Variants in FEZF1 observed in about 807,000 individuals in gnomAD.
FEZF1 encodes FEZ family zinc finger 1.
FEZF1 carries 8 observed loss-of-function variants against 32.4 expected under a neutral mutation model. The observed-to-expected ratio is 0.25, with a 90% CI of 0.15 to 0.45. The LOEUF (loss-of-function observed/expected upper bound fraction) is 0.45, where lower values mean the gene tolerates loss of function less well. Among genes scored for constraint, FEZF1 ranks in the 20% least tolerant of loss-of-function variants. The probability of loss-of-function intolerance (pLI) is 1.00; values close to 1 mark genes in which losing one functional copy is unlikely to be tolerated. For synonymous variants in FEZF1, 259 were observed against 265.2 expected (o/e 0.98, Z 0.23); for missense variants, 546 against 622.3 (o/e 0.88, Z 1.31).
In FEZF1 at chr7:122,304,516, G is replaced by C; in HGVS notation, c.-79C>G. 3 of 1,268,152 alleles carry C rather than the reference G, an allele frequency of 2.4e-6. No homozygotes were observed. Among genetic ancestry groups the C allele is most frequent in the Non-Finnish European group, 3.2e-6 (3 of 933,420 alleles). The allele number at this position is 1,268,152 out of a possible 1,614,324, so 78.6% of individuals were successfully genotyped here. A position where few individuals can be genotyped will look rare whatever the true frequency, so the allele number is the denominator to read the frequency against. ...TGTTCCCTGCTTGTCACAGACCTGC[G>C]GAGAGGGGGACGGGCACCATCACCA... On this transcript the variant is annotated 5_prime_UTR_variant, in exon 1 of 4. Coordinates refer to ENST00000442488, the MANE Select transcript of FEZF1 (RefSeq NM_001024613.4).
chr7:122,308,249 A>G (rs1055342634), upstream of FEZF1, among the ~76,000 whole-genome samples: 1 of 152,174 alleles, frequency 6.6e-6, no homozygotes, highest in Admixed American at 6.5e-5. Flanking sequence ...TCCTGATGGA[A>G]GGCGAGTTTC....
rs2031043594 is a variant in FEZF1, at chr7:122,301,844, G to A, written c.*153C>T. The A allele has an allele frequency of 2.9e-6, 3 of 1,049,432 alleles. No individual in the cohort carries two copies. Among genetic ancestry groups the A allele is most frequent in the Non-Finnish European group, 4.0e-6 (3 of 742,258 alleles). The allele number at this position is 1,049,432 out of a possible 1,614,324, so 65.0% of individuals were successfully genotyped here. On this transcript the variant is annotated 3_prime_UTR_variant, in exon 4 of 4. Transcript: ENST00000442488. ...CATTTAGCAGGTGCATGCAAGAGGC[G>A]AAAGGCCAGGGGATGCAGAGGCTTC...
rs533231026 is a variant in FEZF1, at chr7:122,303,576, GGGAA to G, written c.801+57_801+60del. ...AAGGAGGGAAGGAGGGAGGGAGGGAGGGAAGGAAGGAAGGAAGGAAGGGAGGGAA... is the reference window on the plus strand; with the variant it reads ...AAGGAGGGAAGGAGGGAGGGAGGGAGGGAAGGAAGGAAGGAAGGGAGGGAA... On this transcript the variant is annotated intron_variant, in intron 1 of 3. Transcript: ENST00000442488. The G allele has an allele frequency of 8.8e-4, 933 of 1,055,336 alleles. 6 individuals carry two copies. The highest frequency in any genetic ancestry group is 4.2e-3 in the South Asian group (288 of 68,504). The allele number at this position is 1,055,336 out of a possible 1,614,324, so 65.4% of individuals were successfully genotyped here.
chr7:122,304,477 G>C lies in FEZF1; in HGVS notation c.-40C>G. ...CGTCCGTCAGCCGGGGCTGGGTTGCGCCGTCCGTTGCCTTGTTCCCTGCTT... is the reference window on the plus strand; with the variant it reads ...CGTCCGTCAGCCGGGGCTGGGTTGCCCCGTCCGTTGCCTTGTTCCCTGCTT... On this transcript the variant is annotated 5_prime_UTR_variant, in exon 1 of 4. Transcript: ENST00000442488. 1 of 1,496,162 alleles carries C rather than the reference G, an allele frequency of 6.7e-7. No individual in the cohort carries two copies. Among genetic ancestry groups the C allele is most frequent in the East Asian group, 2.4e-5 (1 of 42,512 alleles). The allele number at this position is 1,496,162 out of a possible 1,614,324, so 92.7% of individuals were successfully genotyped here. A position where few individuals can be genotyped will look rare whatever the true frequency, so the allele number is the denominator to read the frequency against.
chr7:122,309,892 C>T (rs2031378230), intron 1 of FEZF1: 1 of 152,182 alleles, frequency 6.6e-6, no homozygotes, highest in Non-Finnish European at 1.5e-5. Context: ...AGTCCCTGGA[C>T]AATTTTAAAG....
rs760136356 is a variant in FEZF1 at position 122,304,201 on chromosome 7, A to C, written c.237T>G (p.Pro79=). The part of the protein sequence containing the change: ...SSIPCMIPFV[P]VAYDTSPKAG... ...CCTTGGGGCTCGTGTCGTAGGCCACAGGCACGAAGGGGATCATGCAGGGGA... is the reference window on the plus strand; with the variant it reads ...CCTTGGGGCTCGTGTCGTAGGCCACCGGCACGAAGGGGATCATGCAGGGGA... Residue 79 remains proline, a synonymous_variant, in exon 1 of 4, where the codon CCT becomes CCG. Coordinates refer to ENST00000442488, the MANE Select transcript of FEZF1 (RefSeq NM_001024613.4). 1 of 1,595,208 alleles carries C rather than the reference A, an allele frequency of 6.3e-7. No homozygotes were observed. Among genetic ancestry groups the C allele is most frequent in the Non-Finnish European group, 8.6e-7 (1 of 1,168,328 alleles).
Position 122,302,095 on chromosome 7 carries a change from G to C in FEZF1, c.1330C>G (p.Pro444Ala). Residue 444 changes from proline to alanine, a missense_variant, in exon 4 of 4, where the codon CCG becomes GCG. Transcript: ENST00000442488. This position sits in a 1 kb window ranked among gnomAD's most constrained non-coding sequence, Gnocchi z 4.4. ...AGEPGTEPPP[P>A]LPQQPPMTLP... is the part of the protein sequence containing the mutation. ...GTCATCGGCGGCTGCTGCGGTAGCG[G>C]GGGCGGCGGTTCAGTGCCTGGTTCG... The C allele has an allele frequency of 6.2e-7, 1 of 1,610,986 alleles. No individual in the cohort carries two copies. Among genetic ancestry groups the C allele is most frequent in the South Asian group, 1.1e-5 (1 of 91,032 alleles).
At chr7:122,306,899 C>T (rs1397711601), upstream of FEZF1, 1 of 152,198 alleles carries the variant, frequency 6.6e-6, no homozygotes, top group Non-Finnish European at 1.5e-5. Context: ...GCGCTACACT[C>T]CAAGGCGGCC....
rs2031034096 is a variant in FEZF1, at chr7:122,301,615, C to T, written c.*382G>A. 5.5e-6 allele frequency: 1 copy of T among 183,190 alleles called. No homozygotes were observed. The highest frequency in any genetic ancestry group is 1.9e-4 in the South Asian group (1 of 5,212). 11.3% of individuals were successfully genotyped at this position (183,190 alleles called of 1,614,324 possible). A position where few individuals can be genotyped will look rare whatever the true frequency, so the allele number is the denominator to read the frequency against. On this transcript the variant is annotated 3_prime_UTR_variant, in exon 4 of 4. Coordinates refer to ENST00000442488, the MANE Select transcript of FEZF1 (RefSeq NM_001024613.4). ...CAATAATAAAATTAAAATGATGCAG[C>T]ATTCCCGGGTAGAATAATACAGATC... is the stretch of plus-strand genomic sequence containing the variant.
At position 122,303,963 on chromosome 7, in the gene FEZF1, C is replaced by T. The variant is rs1025604327; in HGVS notation, c.475G>A (p.Ala159Thr). ...TCACCTCGGTTCAGGTAGCACAAGG[C>T]GCCCATGGCGTGGAATGAAGAGTGG... is the stretch of plus-strand genomic sequence containing the variant. ...VNHSSFHAMG[A>T]LCYLNRGDGP... Residue 159 changes from alanine (A) to threonine (T), a missense_variant, in exon 1 of 4, where the codon GCC (alanine) becomes ACC (threonine). By Grantham distance (58) the Ala-to-Thr change is moderately conservative. This residue lies in a region of FEZF1 where 345 missense variants were observed against 360.6 expected (regional missense o/e 0.96). Transcript: ENST00000442488. The T allele has an allele frequency of 1.9e-6, 3 of 1,595,392 alleles. No individual in the cohort carries two copies. The East Asian group carries it at 6.9e-5, about 36-fold the overall frequency.
upstream of FEZF1, chr7:122,306,402 G>A (rs145276894): frequency 0.02 from 3,045 of 152,316 alleles, 44 homozygotes; most frequent in Non-Finnish European, 0.028. Flanking sequence ...TAGAAACCCT[G>A]GCATTATTAA....
At position 122,304,062 on chromosome 7, in the gene FEZF1, T is replaced by A. The variant is rs1182562293; in HGVS notation, c.376A>T (p.Ser126Cys). The A allele has an allele frequency of 7.7e-6, 12 of 1,562,516 alleles. No homozygotes were observed. The change falls in exon 1 of 4, where the codon AGT becomes TGT. Residue 126 changes from serine to cysteine, a missense_variant. Physicochemically the swap from Ser to Cys is moderately radical, Grantham distance 112. Around this residue, in one of 3 missense-constraint regions of FEZF1, gnomAD observed 345 missense variants for 360.6 expected, o/e 0.96. Transcript: ENST00000442488. ...SCSDLLNCAL[S>C]LKGDLARDAL... ...TCGCGGGCCAGGTCGCCCTTGAGACTCAGTGCGCAGTTGAGCAGGTCGCTG... is the reference window on the plus strand; with the variant it reads ...TCGCGGGCCAGGTCGCCCTTGAGACACAGTGCGCAGTTGAGCAGGTCGCTG...
exon 1 of FEZF1, chr7:122,310,631 G>C (rs1008538451): frequency 2.0e-5 from 3 of 152,262 alleles, no homozygotes; most frequent in Admixed American, 1.3e-4. Flanking sequence ...GCTCCCAAGC[G>C]TCCGGCTCCC....
chr7:122,306,353 T>G (rs1401969504), upstream of FEZF1: 2 of 152,194 alleles, frequency 1.3e-5, no homozygotes, highest in Admixed American at 6.5e-5. Flanking sequence ...GCTAGAGCTC[T>G]GAAAAGGGTT....
rs1277834758 is a variant in FEZF1, at chr7:122,303,804, A to C, written c.634T>G (p.Tyr212Asp). 6.2e-7 allele frequency: 1 copy of C among 1,614,056 alleles called. No homozygotes were observed. The highest frequency in any genetic ancestry group is 1.3e-5 in the African/African-American group (1 of 74,926). The change falls in exon 1 of 4, where the codon TAC (tyrosine) becomes GAC (aspartate). Residue 212 changes from tyrosine to aspartate, a missense_variant. Coordinates refer to ENST00000442488, the MANE Select transcript of FEZF1 (RefSeq NM_001024613.4). The part of the protein sequence containing the change: ...NKLVVPAVEK[Y>D]PSGVAFKDLS... Reference sequence around the variant, plus strand: ...TCTTTGAAAGCTACTCCAGAAGGGTATTTCTCCACCGCCGGGACCACCAGT... The same window carrying C: ...TCTTTGAAAGCTACTCCAGAAGGGTCTTTCTCCACCGCCGGGACCACCAGT...
upstream of FEZF1, chr7:122,306,517 C>T (rs575757867): frequency 6.6e-6 from 1 of 152,354 alleles, no homozygotes; most frequent in African/African-American, 2.4e-5. Flanking sequence ...ACATGCCAGG[C>T]AAGCTACCCG....
At chr7:122,309,586 CTG>C (rs58122651), upstream of FEZF1, 49,415 of 151,930 alleles carry the variant, frequency 0.33, 8,938 homozygotes, top group Non-Finnish European at 0.41. Flanking sequence ...TCCCACAGGC[CTG>C]TGAGGTGTGT....
At position 122,303,472 on chromosome 7, in the gene FEZF1, GGGAA is replaced by G. The variant is rs1159831933; in HGVS notation, c.801+161_802-162del. Reference sequence around the variant, plus strand: ...GAGGAAGGAAAGGAGGAGCGAGGGAGGGAAGGAAGGAAGGAAGGAAGGAAGGAAG... The same window carrying G: ...GAGGAAGGAAAGGAGGAGCGAGGGAGGGAAGGAAGGAAGGAAGGAAGGAAG... On this transcript the variant is annotated intron_variant, in intron 1 of 3. Transcript: ENST00000442488. Among the ~76,000 whole-genome samples the G allele has an allele frequency of 0.091, 7,416 of 81,784 alleles. 395 individuals carry two copies. Among genetic ancestry groups the G allele is most frequent in the Middle Eastern group, 0.14 (20 of 146 alleles). 53.7% of individuals were successfully genotyped at this position (81,784 alleles called of 152,430 possible).
rs1029814919 is a variant in FEZF1 at position 122,304,273 on chromosome 7, G to T, written c.165C>A (p.Ala55=). The T allele has an allele frequency of 1.2e-5, 20 of 1,610,604 alleles. No homozygotes were observed. Among genetic ancestry groups the T allele is most frequent in the Non-Finnish European group, 1.7e-5 (20 of 1,178,074 alleles). The change falls in exon 1 of 4, where the codon GCC becomes GCA. Residue 55 remains alanine, a synonymous_variant. Coordinates refer to ENST00000442488, the MANE Select transcript of FEZF1 (RefSeq NM_001024613.4). The stretch of plus-strand genomic sequence containing the variant: ...AGTGCTTGGGTTCCCCCTTGGGTAA[G>T]GCTCCCTGCAGGAAGTGGGGGACTG... ...ALPVPHFLQG[A]LPKGEPKHSL...
Sources: gnomAD v4.1 joint callset for allele counts (sites outside exome capture counted in the v4.1 genomes callset) on GRCh38, gnomAD v4.1.1 for gene constraint, gnomAD v4.1.1 regional missense constraint, Gnocchi (gnomAD v3.1) non-coding constraint, MANE v1.5 for transcripts, NCBI Gene and HGNC (gene_info 2026-07-23, HGNC 2026-07-21) for gene names.